The following ARSB variants were observed in gnomAD, a reference collection of about 807,000 sequenced individuals.
ARSB encodes the protein N-acetylgalactosamine-4-sulfatase.
ARSB carries 41 observed loss-of-function variants against 50.9 expected under a neutral mutation model. That is an observed-to-expected ratio of 0.81 (90% CI 0.63 to 1.04). ARSB has a LOEUF of 1.04. Ranked by LOEUF, ARSB falls within the 50% of genes least tolerant of loss-of-function variation. The probability of loss-of-function intolerance (pLI) is 0.00; values close to 1 mark genes in which losing one functional copy is unlikely to be tolerated. For synonymous variants in ARSB, 269 were observed against 284.8 expected (o/e 0.94, Z 0.56); for missense variants, 672 against 693.3 (o/e 0.97, Z 0.35).
chr5:78,803,942 A>G (rs1743479492), intron 6 of ARSB, among the ~76,000 whole-genome samples: 1 of 152,246 alleles, frequency 6.6e-6, no homozygotes, highest in African/African-American at 2.4e-5. Flanking sequence ...GGTCTGGTCA[A>G]GGGCCTATTT....
chr5:78,957,658 C>T (rs1449597710), intron 3 of ARSB, among the ~76,000 whole-genome samples: 1 of 152,262 alleles, frequency 6.6e-6, no homozygotes, highest in Admixed American at 6.5e-5. Context: ...TGCTTCCACT[C>T]GACACACATA....
At chr5:78,939,912 TTCC>T (rs1750822177) in intron 4 of ARSB, among the ~76,000 whole-genome samples, 2 of 152,210 alleles carry the variant, frequency 1.3e-5, no homozygotes, top group Non-Finnish European at 1.5e-5. Context: ...TGTAAAAGTG[TTCC>T]TATTTCTCCA....
At chr5:78,859,063 G>A (rs1468281488) in intron 5 of ARSB, among the ~76,000 whole-genome samples, 1 of 152,192 alleles carries the variant, frequency 6.6e-6, no homozygotes, top group Non-Finnish European at 1.5e-5. Context: ...CTATCCCGGT[G>A]AAACTCCTTA....
chr5:78,961,267 CATTTTATACAGAATTGAAAATGTAA>C (rs997228750), intron 3 of ARSB, among the ~76,000 whole-genome samples: 1 of 152,182 alleles, frequency 6.6e-6, no homozygotes, highest in African/African-American at 2.4e-5. Context: ...TGAGTTGCAT[CATTTTATACAGAATTGAAAATGTAA>C]ACATGTATTA....
At chr5:78,815,747 A>C in intron 6 of ARSB, 1 of 1,152,932 alleles carries the variant, frequency 8.7e-7, no homozygotes, top group Non-Finnish European at 1.1e-6. Flanking sequence ...TCCACAAGGA[A>C]TGAATAAAGG....
chr5:78,895,015 G>A (rs1748498684), intron 4 of ARSB, among the ~76,000 whole-genome samples: 1 of 152,240 alleles, frequency 6.6e-6, no homozygotes, highest in African/African-American at 2.4e-5. Context: ...AACAGCCAAG[G>A]GCCAGGATAA....
intron 4 of ARSB, among the ~76,000 whole-genome samples, chr5:78,890,694 T>C (rs141239397): frequency 2.0e-5 from 3 of 152,314 alleles, no homozygotes; most frequent in South Asian, 2.1e-4. Flanking sequence ...GGCCCACATA[T>C]AGAATCCTTC....
In ARSB at chr5:78,859,625, T is replaced by C. The variant is rs79730561; in HGVS notation, c.1143-20199A>G. Among the ~76,000 whole-genome samples, 221 of 152,134 alleles carry C rather than the reference T, an allele frequency of 1.5e-3. 1 individual carries two copies. Among genetic ancestry groups the C allele is most frequent in the Non-Finnish European group, 2.5e-3 (167 of 67,994 alleles). On this transcript the variant is annotated intron_variant, in intron 5 of 7. Transcript: ENST00000264914. ...AACAACACATTCTTGGATTCTGCCA[T>C]AAGAATCAAAACATGATCCCAAAGA...
intron 5 of ARSB, among the ~76,000 whole-genome samples, chr5:78,842,026 G>A (rs1233416211): frequency 6.6e-6 from 1 of 152,174 alleles, no homozygotes; most frequent in Non-Finnish European, 1.5e-5. Context: ...GGGGGAGGTA[G>A]AGAGGGATTG....
At chr5:78,874,959 A>T (rs548855420) in intron 5 of ARSB, among the ~76,000 whole-genome samples, 3 of 152,210 alleles carry the variant, frequency 2.0e-5, no homozygotes, top group East Asian at 3.9e-4. Context: ...ATAAAAATTT[A>T]AAAATTAGCT....
At chr5:78,940,119 T>C (rs1000080149) in intron 4 of ARSB, among the ~76,000 whole-genome samples, 1 of 152,244 alleles carries the variant, frequency 6.6e-6, no homozygotes, top group African/African-American at 2.4e-5. Flanking sequence ...GCCCACTTTT[T>C]GATGGGGTTG....
intron 4 of ARSB, among the ~76,000 whole-genome samples, chr5:78,949,078 T>G (rs1251022978): frequency 6.6e-6 from 1 of 152,226 alleles, no homozygotes; most frequent in African/African-American, 2.4e-5. Flanking sequence ...CCTTGAAAAT[T>G]GCATTTTTAA....
chr5:78,873,414 T>A (rs1747319970), intron 5 of ARSB, among the ~76,000 whole-genome samples: 2 of 151,304 alleles, frequency 1.3e-5, no homozygotes, highest in Non-Finnish European at 1.5e-5. Context: ...ACCAAATTTA[T>A]GTAAAGAAGA....
chr5:78,863,619 T>C (rs939830530), intron 5 of ARSB, among the ~76,000 whole-genome samples: 1 of 22,320 alleles, frequency 4.5e-5, no homozygotes, highest in Non-Finnish European at 8.7e-5. Context: ...GGGTGGGGGG[T>C]GGGGGTAGGG....
At chr5:78,965,737 C>T (rs928067247) in intron 2 of ARSB, among the ~76,000 whole-genome samples, 4 of 152,148 alleles carry the variant, frequency 2.6e-5, no homozygotes, top group African/African-American at 9.7e-5. Flanking sequence ...ATTGACCTAG[C>T]TCTTTCTTCA....
At chr5:78,901,148 C>T (rs899208136) in intron 4 of ARSB, among the ~76,000 whole-genome samples, 4 of 151,934 alleles carry the variant, frequency 2.6e-5, no homozygotes, top group Admixed American at 6.6e-5. Context: ...TTAAGGTCAC[C>T]GATTGCACTG....
intron 1 of ARSB, among the ~76,000 whole-genome samples, chr5:78,980,450 A>G (rs939763429): frequency 6.6e-6 from 1 of 152,228 alleles, no homozygotes; most frequent in Non-Finnish European, 1.5e-5. Flanking sequence ...GCTGGAAACA[A>G]CCTACATGTT....
At chr5:78,842,491 T>C (rs1745269976) in intron 5 of ARSB, among the ~76,000 whole-genome samples, 1 of 152,158 alleles carries the variant, frequency 6.6e-6, no homozygotes, top group African/African-American at 2.4e-5. Context: ...CACTGTCTAC[T>C]GAGGAGTTAA....
intron 1 of ARSB, 41 bp downstream of exon 1, chr5:78,984,896 G>A (rs1450925962): frequency 3.9e-6 from 5 of 1,269,964 alleles, no homozygotes; most frequent in Admixed American, 4.3e-5. Context: ...GCCGGCGAAA[G>A]GCGGGGCGGG....
Sources: allele counts gnomAD v4.1 joint callset (sites outside exome capture counted in the v4.1 genomes callset), GRCh38; gene constraint gnomAD v4.1.1; transcripts MANE v1.5; gene names NCBI Gene and HGNC (gene_info 2026-07-23, HGNC 2026-07-21).